The following MBD5 variants were observed in gnomAD, a reference collection of about 807,000 sequenced individuals.
MBD5 encodes the protein methyl-CpG-binding domain protein 5.
A neutral mutation model predicts 117.3 loss-of-function variants in MBD5; 13 were observed. The ratio of observed to expected loss-of-function variants is 0.11; its 90% CI spans 0.07 to 0.18. MBD5 has a LOEUF of 0.18. Among genes scored for constraint, MBD5 ranks in the 10% least tolerant of loss-of-function variants. The probability of loss-of-function intolerance (pLI) is 1.00; values close to 1 mark genes in which losing one functional copy is unlikely to be tolerated. For synonymous variants in MBD5, 727 were observed against 766.4 expected (o/e 0.95, Z 0.85); for missense variants, 1,879 against 2,093.8 (o/e 0.90, Z 2.00).
chr2:148,219,126 C>T (rs1699623821), intron 2 of MBD5, among the ~76,000 whole-genome samples: 1 of 152,096 alleles, frequency 6.6e-6, no homozygotes, highest in Non-Finnish European at 1.5e-5. Context: ...TTATCCTTAT[C>T]CTATAAGCTT....
intron 1 of MBD5, among the ~76,000 whole-genome samples, chr2:148,172,243 T>A (rs1373832601): frequency 1.3e-5 from 2 of 152,200 alleles, no homozygotes; most frequent in Non-Finnish European, 2.9e-5. Flanking sequence ...ATCCCTGCGC[T>A]ATCAGAAGCC....
At chr2:148,406,927 T>C (rs1425595066) in intron 4 of MBD5, among the ~76,000 whole-genome samples, 1 of 152,200 alleles carries the variant, frequency 6.6e-6, no homozygotes, top group Non-Finnish European at 1.5e-5. Flanking sequence ...ATATGCTCTC[T>C]TGAACCCTTA....
At chr2:148,391,186 G>A (rs1017156597) in intron 4 of MBD5, among the ~76,000 whole-genome samples, 1 of 152,082 alleles carries the variant, frequency 6.6e-6, no homozygotes, top group African/African-American at 2.4e-5. Flanking sequence ...TAATCAAGTC[G>A]TATTTCAGGG....
chr2:148,097,787 A>G (rs1333259985), intron 1 of MBD5, among the ~76,000 whole-genome samples: 2 of 152,236 alleles, frequency 1.3e-5, no homozygotes, highest in Non-Finnish European at 2.9e-5. Flanking sequence ...CCCAGAAGCC[A>G]TAGCATTTAA....
At chr2:148,187,092 G>A (rs1253913875) in intron 2 of MBD5, among the ~76,000 whole-genome samples, 4 of 151,922 alleles carry the variant, frequency 2.6e-5, no homozygotes, top group African/African-American at 4.9e-5. Context: ...ACAGTGGCAC[G>A]TGCCTATAGT....
At chr2:148,279,770 A>ATTTGGACTCTTTCTTTT (rs1375542691) in intron 3 of MBD5, among the ~76,000 whole-genome samples, 15 of 152,192 alleles carry the variant, frequency 9.9e-5, no homozygotes, top group Admixed American at 5.2e-4. Context: ...ATAGTTACAC[A>ATTTGGACTCTTTCTTTT]TTTGGACTCT....
chr2:148,219,012 A>G (rs1699621963), intron 2 of MBD5, among the ~76,000 whole-genome samples: 1 of 152,214 alleles, frequency 6.6e-6, no homozygotes, highest in Non-Finnish European at 1.5e-5. Context: ...TGTAACTTTT[A>G]CTTTATAAAC....
chr2:148,505,687 C>T (rs1467247893), intron 12 of MBD5, among the ~76,000 whole-genome samples: 1 of 151,998 alleles, frequency 6.6e-6, no homozygotes, highest in African/African-American at 2.4e-5. Flanking sequence ...TCTTTCTACC[C>T]ATAATGTGAA....
intron 3 of MBD5, among the ~76,000 whole-genome samples, chr2:148,261,648 A>G (rs1165205254): frequency 6.6e-6 from 1 of 152,228 alleles, no homozygotes; most frequent in Admixed American, 6.5e-5. Flanking sequence ...TTCACAGCAA[A>G]AAGGCTGTTT....
At chr2:148,129,763 C>T (rs1021667784) in intron 1 of MBD5, among the ~76,000 whole-genome samples, 5 of 152,142 alleles carry the variant, frequency 3.3e-5, no homozygotes, top group African/African-American at 9.7e-5. Flanking sequence ...ATAATTCAGA[C>T]ATTACAAATA....
chr2:148,447,777 T>C (rs1706611248), intron 4 of MBD5: 2 of 152,310 alleles, frequency 1.3e-5, no homozygotes, highest in Admixed American at 1.3e-4. Flanking sequence ...TGAAATCTTT[T>C]GATTTAAATA....
Position 148,403,885 on chromosome 2 carries a change from C to A in MBD5, c.-556-54318C>A, listed in dbSNP as rs529104223. 1.4e-3 allele frequency among the ~76,000 whole-genome samples: 210 copies of A among 152,162 alleles called. 2 individuals are homozygous for A. In the Middle Eastern group the frequency reaches 0.024, roughly 17 times the overall value. ...GTTACCCACCTCTTTCTTGTCCCCA[C>A]CCTCACCCCCATTCCTAACCCCTGC... On this transcript the variant is annotated intron_variant, in intron 4 of 13. Transcript: ENST00000642680.
At chr2:148,233,990 A>G (rs967149989) in intron 3 of MBD5, among the ~76,000 whole-genome samples, 4 of 152,138 alleles carry the variant, frequency 2.6e-5, no homozygotes, top group African/African-American at 9.6e-5. Context: ...GCTCCCAAAG[A>G]GCATCTGGGC....
chr2:148,137,903 A>G (rs913281306), intron 1 of MBD5, among the ~76,000 whole-genome samples: 5 of 152,154 alleles, frequency 3.3e-5, no homozygotes, highest in East Asian at 1.9e-4. Context: ...TATAGCCTAC[A>G]TGTGTAGTAG....
intron 2 of MBD5, among the ~76,000 whole-genome samples, chr2:148,218,018 A>G (rs1699598921): frequency 6.6e-6 from 1 of 152,228 alleles, no homozygotes; most frequent in Non-Finnish European, 1.5e-5. Flanking sequence ...TATAGACAAT[A>G]TAGACAAAAT....
At chr2:148,408,273 G>C (rs1253765367) in intron 4 of MBD5, among the ~76,000 whole-genome samples, 1 of 152,048 alleles carries the variant, frequency 6.6e-6, no homozygotes, top group South Asian at 2.1e-4. Flanking sequence ...AGATAAAATT[G>C]CTTGCATCAT....
At chr2:148,398,847 A>G (rs2105065367) in intron 4 of MBD5, among the ~76,000 whole-genome samples, 1 of 152,122 alleles carries the variant, frequency 6.6e-6, no homozygotes, top group East Asian at 1.9e-4. Context: ...TAAGGAAGGG[A>G]TTCAGTTTCA....
At chr2:148,431,459 G>A (rs1705981322) in intron 4 of MBD5, among the ~76,000 whole-genome samples, 1 of 151,892 alleles carries the variant, frequency 6.6e-6, no homozygotes, top group Admixed American at 6.6e-5. Context: ...CATGTCACAG[G>A]GGTTTGGTGT....
chr2:148,316,789 G>A (rs1010519503), intron 3 of MBD5, among the ~76,000 whole-genome samples: 1 of 152,096 alleles, frequency 6.6e-6, no homozygotes, highest in African/African-American at 2.4e-5. Flanking sequence ...GTACATACAA[G>A]ATAGAAGCTT....
Sources: allele counts gnomAD v4.1 joint callset (sites outside exome capture counted in the v4.1 genomes callset), GRCh38; gene constraint gnomAD v4.1.1; transcripts MANE v1.5; gene names NCBI Gene and HGNC (gene_info 2026-07-23, HGNC 2026-07-21).